TPST1: variants seen among roughly 807,000 people sequenced by gnomAD.
TPST1 encodes tyrosylprotein sulfotransferase 1.
TPST1 carries 20 observed loss-of-function variants against 34.8 expected under a neutral mutation model. The observed-to-expected ratio is 0.57, with a 90% CI of 0.40 to 0.84. The LOEUF (loss-of-function observed/expected upper bound fraction) is 0.84, where lower values mean the gene tolerates loss of function less well. Ranked by LOEUF, TPST1 falls within the 40% of genes least tolerant of loss-of-function variation. The probability of loss-of-function intolerance (pLI) is 0.00; values close to 1 mark genes in which losing one functional copy is unlikely to be tolerated. For missense variants in TPST1, 353 were observed against 455.5 expected, an observed-to-expected ratio of 0.78 and a Z score of 2.05; for synonymous variants, 152 against 159.4, an observed-to-expected ratio of 0.95 and a Z score of 0.35.
intron 3 of TPST1, among the ~76,000 whole-genome samples, chr7:66,319,441 C>A (rs1292755909): frequency 6.6e-6 from 1 of 152,180 alleles, no homozygotes; most frequent in Non-Finnish European, 1.5e-5. Context: ...CCTTTTAAAA[C>A]ATCAAAAGTT....
intron 3 of TPST1, among the ~76,000 whole-genome samples, chr7:66,301,308 G>A (rs1454363025): frequency 6.6e-6 from 1 of 152,222 alleles, no homozygotes; most frequent in Admixed American, 6.5e-5. Flanking sequence ...TTTGGCTTAA[G>A]GGAATGTCAT....
At chr7:66,231,855 C>G (rs1444880047) in intron 1 of TPST1, among the ~76,000 whole-genome samples, 2 of 152,238 alleles carry the variant, frequency 1.3e-5, no homozygotes, top group Non-Finnish European at 2.9e-5. Context: ...GAGGAGGCGC[C>G]CAGAGCGAGC....
At chr7:66,274,615 G>A (rs1790769983) in intron 2 of TPST1, among the ~76,000 whole-genome samples, 1 of 152,052 alleles carries the variant, frequency 6.6e-6, no homozygotes, top group African/African-American at 2.4e-5. Flanking sequence ...AAAAAGCTCT[G>A]CACAGTAAAG....
At chr7:66,308,878 A>G (rs912487892) in intron 3 of TPST1, among the ~76,000 whole-genome samples, 2 of 152,094 alleles carry the variant, frequency 1.3e-5, no homozygotes, top group African/African-American at 4.8e-5. Context: ...ACACCCCAGT[A>G]TTCCTTATTT....
chr7:66,255,039 C>T (rs940848842), intron 2 of TPST1, among the ~76,000 whole-genome samples: 9 of 149,160 alleles, frequency 6.0e-5, no homozygotes, highest in South Asian at 2.1e-4. Flanking sequence ...CCCAGCTACT[C>T]GGGAGGCTGA....
At chr7:66,282,689 A>C (rs1790955561) in intron 2 of TPST1, among the ~76,000 whole-genome samples, 1 of 152,238 alleles carries the variant, frequency 6.6e-6, no homozygotes, top group Non-Finnish European at 1.5e-5. Flanking sequence ...GGAAAAGTGA[A>C]GCCCAGAGAG....
At chr7:66,205,004 C>T (rs1236769143), upstream of TPST1, among the ~76,000 whole-genome samples, 2 of 152,208 alleles carry the variant, frequency 1.3e-5, no homozygotes, top group Admixed American at 6.5e-5. The surrounding 1 kb of genome is among the most constrained non-coding windows in gnomAD (Gnocchi z 5.0). Context: ...CGGTGAGGAC[C>T]GCCACCTGCC....
rs35582736 is a variant in TPST1, at chr7:66,328,011, C to CTTTTTTTTTTTTTTTTTT, written c.1045-24483_1045-24466dup. 1.0e-4 allele frequency among the ~76,000 whole-genome samples: 4 copies of CTTTTTTTTTTTTTTTTTT among 39,486 alleles called. 1 individual carries two copies. Among genetic ancestry groups the CTTTTTTTTTTTTTTTTTT allele is most frequent in the Admixed American group, 7.8e-4 (2 of 2,552 alleles). The allele number at this position is 39,486 out of a possible 152,430, so 25.9% of individuals were successfully genotyped here. A position where few individuals can be genotyped will look rare whatever the true frequency, so the allele number is the denominator to read the frequency against. On this transcript the variant is annotated intron_variant, in intron 3 of 5. Coordinates refer to ENST00000304842, the MANE Select transcript of TPST1 (RefSeq NM_003596.4). Reference sequence around the variant, plus strand: ...TTTTCTTTCTTTTTTTTTTCCTTTCCTTTTTTTTTTTTTTTTTTTTTTTTT... The same window carrying CTTTTTTTTTTTTTTTTTT: ...TTTTCTTTCTTTTTTTTTTCCTTTCCTTTTTTTTTTTTTTTTTTTTTTTTTTTTTTTTTTTTTTTTTTT...
intron 3 of TPST1, among the ~76,000 whole-genome samples, chr7:66,328,021 T>TC (rs1791907312): frequency 9.2e-6 from 1 of 109,092 alleles, no homozygotes; most frequent in Admixed American, 9.1e-5. Context: ...CTTTTTTTTT[T>TC]TTTTTTTTTT....
At chr7:66,308,376 C>G (rs1018350102) in intron 3 of TPST1, among the ~76,000 whole-genome samples, 2 of 152,164 alleles carry the variant, frequency 1.3e-5, no homozygotes, top group African/African-American at 4.8e-5. Flanking sequence ...ATACTAATCT[C>G]TGCAGTTCCT....
At chr7:66,277,029 G>T (rs1790831810) in intron 2 of TPST1, among the ~76,000 whole-genome samples, 1 of 152,114 alleles carries the variant, frequency 6.6e-6, no homozygotes, top group African/African-American at 2.4e-5. Context: ...TAATATGGTG[G>T]CTTGCTTTCT....
At chr7:66,248,333 A>G (rs1790193086) in intron 2 of TPST1, among the ~76,000 whole-genome samples, 1 of 152,100 alleles carries the variant, frequency 6.6e-6, no homozygotes, top group Admixed American at 6.6e-5. Flanking sequence ...GCCCTCCTTT[A>G]GGCAGCATTT....
intron 3 of TPST1, among the ~76,000 whole-genome samples, chr7:66,337,560 C>T (rs149469625): frequency 0.039 from 5,897 of 152,026 alleles, 366 homozygotes; most frequent in African/African-American, 0.13. Context: ...CCGCCCATCT[C>T]GGCCTCCTGA....
At chr7:66,243,409 C>A (rs1265568915) in intron 2 of TPST1, among the ~76,000 whole-genome samples, 2 of 151,954 alleles carry the variant, frequency 1.3e-5, no homozygotes, top group African/African-American at 4.8e-5. Context: ...AAAACAAGAG[C>A]TGCTTTGGTT....
chr7:66,227,028 C>CTTTTTTTTTTTTTTTTT lies in TPST1; in HGVS notation c.-101-13290_-101-13274dup. Among the ~76,000 whole-genome samples the CTTTTTTTTTTTTTTTTT allele has an allele frequency of 7.5e-4, 52 of 69,206 alleles. 14 individuals carry two copies. The highest frequency in any genetic ancestry group is 2.5e-3 in the African/African-American group (37 of 14,898). The allele number at this position is 69,206 out of a possible 152,430, so 45.4% of individuals were successfully genotyped here. ...TTGGTGTTGGATGCCTTAAAATAAG[C>CTTTTTTTTTTTTTTTTT]TTTTTTTTTTTTTTTTTTTTTTTGA... On this transcript the variant is annotated intron_variant, in intron 1 of 5. Coordinates refer to ENST00000304842, the MANE Select transcript of TPST1 (RefSeq NM_003596.4).
At chr7:66,200,653 C>T (rs1789025367), upstream of TPST1, among the ~76,000 whole-genome samples, 1 of 152,050 alleles carries the variant, frequency 6.6e-6, no homozygotes, top group Non-Finnish European at 1.5e-5. Flanking sequence ...ATCTCCTGAC[C>T]TCATGATCCA....
chr7:66,207,827 T>G (rs1188539153), intron 1 of TPST1, among the ~76,000 whole-genome samples: 2 of 152,182 alleles, frequency 1.3e-5, no homozygotes, highest in Non-Finnish European at 2.9e-5. Flanking sequence ...CATAGCCCCC[T>G]TTAAGCACAT....
At chr7:66,244,399 A>G (rs1357176169) in intron 2 of TPST1, among the ~76,000 whole-genome samples, 1 of 152,198 alleles carries the variant, frequency 6.6e-6, no homozygotes, top group Non-Finnish European at 1.5e-5. Context: ...TAGAGATATC[A>G]GGAGACCTTC....
chr7:66,337,940 T>C (rs1052307197), intron 3 of TPST1, among the ~76,000 whole-genome samples: 3 of 152,086 alleles, frequency 2.0e-5, no homozygotes, highest in African/African-American at 7.2e-5. Context: ...GAAGAAAGAA[T>C]CTACAAAGCA....
Sources: gnomAD v4.1 joint callset for allele counts (sites outside exome capture counted in the v4.1 genomes callset) on GRCh38, gnomAD v4.1.1 for gene constraint, Gnocchi (gnomAD v3.1) non-coding constraint, MANE v1.5 for transcripts, NCBI Gene and HGNC (gene_info 2026-07-23, HGNC 2026-07-21) for gene names.